KRT75: variants seen among roughly 807,000 people sequenced by gnomAD.
KRT75 encodes keratin, type II cytoskeletal 75.
KRT75 carries 35 observed loss-of-function variants against 48.8 expected under a neutral mutation model. That is an observed-to-expected ratio of 0.72 (90% CI 0.55 to 0.95). The LOEUF (loss-of-function observed/expected upper bound fraction) is 0.95. Among genes scored for constraint, KRT75 ranks in the 40% least tolerant of loss-of-function variants. The pLI, the probability that KRT75 is intolerant of heterozygous loss-of-function variation, is 0.00. For missense variants in KRT75, 776 were observed against 709.9 expected (o/e 1.09, Z -1.06); for synonymous variants, 301 against 282.3 (o/e 1.07, Z -0.66).
chr12:52,428,554 A>T, intron 6 of KRT75, 64 bp downstream of exon 6: 13 of 1,613,916 alleles, frequency 8.1e-6, no homozygotes, highest in Non-Finnish European at 1.1e-5. Context: ...GAGTTCTTAA[A>T]GATGGCAGAA....
Position 52,426,837 on chromosome 12 carries a change from C to A in KRT75, c.1397G>T (p.Gly466Val). Residue 466 changes from glycine (G) to valine (V), a missense_variant, in exon 8 of 9, where the codon GGA becomes GTA. Physicochemically the swap from Gly to Val is moderately radical, Grantham distance 109. Transcript: ENST00000252245. ...EGEECRLSGE[G>V]VSPVNISVVT... ...CTCACAAATGTTAACTGGAGAAACT[C>A]CCTCTCCACTCAACCTGATTGGGAA... The A allele has an allele frequency of 6.2e-7, 1 of 1,614,144 alleles. No homozygotes were observed. Among genetic ancestry groups the A allele is most frequent in the South Asian group, 1.1e-5 (1 of 91,080 alleles).
Position 52,431,595 on chromosome 12 carries a change from T to A in KRT75, c.818A>T (p.Lys273Met), listed in dbSNP as rs1223977957. Residue 273 changes from lysine (K) to methionine (M), a missense_variant, in exon 4 of 9, where the codon AAG (lysine) becomes ATG (methionine). Lys to Met is a moderately conservative substitution (Grantham distance 95). Transcript: ENST00000252245. ...GATCTCCTCGGGCAGAGATTTGACC[T>A]TGGCTTCCAGCTCCACCTTGTTCAT... ...AYMNKVELEA[K>M]VKSLPEEINF... The A allele has an allele frequency of 6.2e-7, 1 of 1,614,106 alleles. No homozygotes were observed. The highest frequency in any genetic ancestry group is 1.1e-5 in the South Asian group (1 of 91,088).
At chr12:52,431,056 C>T (rs182915016) in intron 4 of KRT75, among the ~76,000 whole-genome samples, 4 of 152,322 alleles carry the variant, frequency 2.6e-5, no homozygotes, top group Admixed American at 2.0e-4. Context: ...TCCCCCTGCA[C>T]AGTGTGACTC....
chr12:52,432,652 C>T (rs1219198263), intron 2 of KRT75, among the ~76,000 whole-genome samples: 1 of 152,192 alleles, frequency 6.6e-6, no homozygotes, highest in African/African-American at 2.4e-5. Context: ...TTAAACTCTT[C>T]CTTGTTACCT....
intron 5 of KRT75, among the ~76,000 whole-genome samples, chr12:52,429,278 C>T (rs1033163850): frequency 6.6e-6 from 1 of 152,110 alleles, no homozygotes; most frequent in Non-Finnish European, 1.5e-5. Flanking sequence ...TGGTAGCCCT[C>T]CAAACACCAG....
chr12:52,428,829 C>T lies in KRT75; in HGVS notation c.1036-86G>A, dbSNP rs1940108427. On this transcript the variant is annotated intron_variant, in intron 5 of 8. Transcript: ENST00000252245. ...GCACACAGACCCACCCTGGGTGCCA[C>T]AAGCAGGCTCATTCATTCCTGGTCA... is the stretch of plus-strand genomic sequence containing the variant. The T allele has an allele frequency of 3.3e-6, 5 of 1,530,020 alleles. No homozygotes were observed. The Admixed American group carries it at 8.3e-5, about 26-fold the overall frequency. 94.8% of individuals were successfully genotyped at this position (1,530,020 alleles called of 1,614,324 possible). A position where few individuals can be genotyped will look rare whatever the true frequency, so the allele number is the denominator to read the frequency against.
intron 7 of KRT75, among the ~76,000 whole-genome samples, chr12:52,427,239 C>T (rs923862291): frequency 1.3e-5 from 2 of 152,174 alleles, no homozygotes; most frequent in Admixed American, 6.5e-5. Flanking sequence ...CAGGGCTGAG[C>T]TTATTGTATA....
At position 52,426,814 on chromosome 12, in the gene KRT75, C is replaced by T; in HGVS notation, c.1417+3G>A. ...AATGGCCCAAGAAGTATGTCATACTCACAAATGTTAACTGGAGAAACTCCC... is the reference window on the plus strand; with the variant it reads ...AATGGCCCAAGAAGTATGTCATACTTACAAATGTTAACTGGAGAAACTCCC... On this transcript the variant is annotated splice_donor_region_variant and intron_variant, in intron 8 of 8. Transcript: ENST00000252245. 1 of 1,614,040 alleles carries T rather than the reference C, an allele frequency of 6.2e-7. No individual in the cohort carries two copies. The highest frequency in any genetic ancestry group is 1.1e-5 in the South Asian group (1 of 91,072).
At chr12:52,426,718 G>A (rs532613038) in intron 8 of KRT75, 99 bp downstream of exon 8, 33 of 1,231,272 alleles carry the variant, frequency 2.7e-5, no homozygotes, top group African/African-American at 1.2e-4. Flanking sequence ...GTGAGATCCC[G>A]TCTAACCCGT....
intron 7 of KRT75, among the ~76,000 whole-genome samples, chr12:52,427,287 T>C (rs1940086710): frequency 1.3e-5 from 2 of 152,212 alleles, no homozygotes; most frequent in Admixed American, 1.3e-4. Context: ...AAAATAACAA[T>C]AGTAATATCA....
At chr12:52,429,964 G>A (rs1186401199) in intron 5 of KRT75, among the ~76,000 whole-genome samples, 1 of 152,166 alleles carries the variant, frequency 6.6e-6, no homozygotes, top group African/African-American at 2.4e-5. Flanking sequence ...AAACTCCCTT[G>A]CTTGTTCTTG....
In KRT75 at chr12:52,430,562, A is replaced by G. The variant is rs1490433267; in HGVS notation, c.1014T>C (p.Ala338=). The G allele has an allele frequency of 6.2e-7, 1 of 1,614,146 alleles. No homozygotes were observed. Among genetic ancestry groups the G allele is most frequent in the Admixed American group, 1.7e-5 (1 of 60,024 alleles). ...EDIANRSRAE[A]ESWYQTKYEE... is the part of the protein sequence containing the mutation. Reference sequence around the variant, plus strand: ...TCACCTTGGTCTGGTACCAGGACTCAGCCTCGGCCCGGCTGCGGTTGGCAA... The same window carrying G: ...TCACCTTGGTCTGGTACCAGGACTCGGCCTCGGCCCGGCTGCGGTTGGCAA... Residue 338 remains alanine (A), a synonymous_variant, in exon 5 of 9, where the codon GCT becomes GCC. Coordinates refer to ENST00000252245, the MANE Select transcript of KRT75 (RefSeq NM_004693.3).
Position 52,428,369 on chromosome 12 carries a change from G to A in KRT75, c.1269C>T (p.Ala423=). The change falls in exon 7 of 9, where the codon GCC becomes GCT. Residue 423 remains alanine (A), a synonymous_variant. Transcript: ENST00000252245. ...LVDLEEALQK[A]KQDMARLLRE... Reference sequence around the variant, plus strand: ...GCAGGAGCCGAGCCATGTCCTGCTTGGCCTTCTGCAGGGCCTCCTCAAGGT... The same window carrying A: ...GCAGGAGCCGAGCCATGTCCTGCTTAGCCTTCTGCAGGGCCTCCTCAAGGT... The A allele has an allele frequency of 1.2e-6, 2 of 1,614,148 alleles. No individual in the cohort carries two copies. Among genetic ancestry groups the A allele is most frequent in the Admixed American group, 1.7e-5 (1 of 60,016 alleles).
chr12:52,433,674 C>T, intron 1 of KRT75, 133 bp downstream of exon 1: 1 of 1,417,114 alleles, frequency 7.1e-7, no homozygotes, highest in Non-Finnish European at 9.7e-7. Flanking sequence ...GGTCTCAGCC[C>T]CTGGGAGCCC....
chr12:52,429,404 C>A (rs1446285941), intron 5 of KRT75, among the ~76,000 whole-genome samples: 1 of 152,150 alleles, frequency 6.6e-6, no homozygotes, highest in African/African-American at 2.4e-5. Flanking sequence ...AGTTCTCAAT[C>A]TAATGGTGCA....
chr12:52,424,173 C>A lies in KRT75; in HGVS notation c.*344G>T. 1 of 404,610 alleles carries A rather than the reference C, an allele frequency of 2.5e-6. No homozygotes were observed. Among genetic ancestry groups the A allele is most frequent in the Non-Finnish European group, 4.7e-6 (1 of 213,660 alleles). The allele number at this position is 404,610 out of a possible 1,614,324, so 25.1% of individuals were successfully genotyped here. ...ACACTATGAGACAGGTGGGTGACAA[C>A]CTGGCATTGAGAGACTCCCCAGCCT... is the stretch of plus-strand genomic sequence containing the variant. On this transcript the variant is annotated 3_prime_UTR_variant, in exon 9 of 9. Transcript: ENST00000252245.
rs185053928 is a variant in KRT75, at chr12:52,429,581, A to G, written c.1036-838T>C. 9.2e-5 allele frequency among the ~76,000 whole-genome samples: 14 copies of G among 152,288 alleles called. No homozygotes were observed. The East Asian group carries it at 2.7e-3, about 29-fold the overall frequency. ...CTCAGGTTCCCGCTTCTAGGTATAC[A>G]TGATTAAATGGAGCAACAACCCAAC... On this transcript the variant is annotated intron_variant, in intron 5 of 8. Transcript: ENST00000252245.
rs755091999 is a variant in KRT75, at chr12:52,434,001, C to T, written c.304G>A (p.Gly102Ser). The T allele has an allele frequency of 1.2e-6, 2 of 1,614,122 alleles. No individual in the cohort carries two copies. The highest frequency in any genetic ancestry group is 4.5e-5 in the East Asian group (2 of 44,872). Residue 102 changes from glycine (G) to serine (S), a missense_variant, in exon 1 of 9, where the codon GGT (glycine) becomes AGT (serine). Coordinates refer to ENST00000252245, the MANE Select transcript of KRT75 (RefSeq NM_004693.3). ...FGVNSGFGYG[G>S]GVGGGFSGPS... is the part of the protein sequence containing the mutation. ...CCACTGAAGCCTCCTCCAACTCCAC[C>T]CCCATAGCCAAATCCACTGTTGACT...
In KRT75 at chr12:52,424,597, T is replaced by A; in HGVS notation, c.1576A>T (p.Asn526Tyr). 1 of 1,614,178 alleles carries A rather than the reference T, an allele frequency of 6.2e-7. No homozygotes were observed. The highest frequency in any genetic ancestry group is 1.7e-5 in the Admixed American group (1 of 60,024). Residue 526 changes from asparagine (N) to tyrosine (Y), a missense_variant, in exon 9 of 9, where the codon AAC (asparagine) becomes TAC (tyrosine). Asn to Tyr is a moderately radical substitution (Grantham distance 143). Coordinates refer to ENST00000252245, the MANE Select transcript of KRT75 (RefSeq NM_004693.3). ...LGGSGFSATS[N>Y]RGLGGSGSSV... Reference sequence around the variant, plus strand: ...GAACCACTGCCCCCTAAGCCCCGGTTGCTGGTGGCACTGAATCCAGAACCT... The same window carrying A: ...GAACCACTGCCCCCTAAGCCCCGGTAGCTGGTGGCACTGAATCCAGAACCT...
Sources: allele counts gnomAD v4.1 joint callset (sites outside exome capture counted in the v4.1 genomes callset), GRCh38; gene constraint gnomAD v4.1.1; transcripts MANE v1.5; gene names NCBI Gene and HGNC (gene_info 2026-07-23, HGNC 2026-07-21).